Variants in DPP6 observed in about 807,000 individuals in gnomAD.
DPP6 encodes A-type potassium channel modulatory protein DPP6.
A neutral mutation model predicts 122.6 loss-of-function variants in DPP6; 69 were observed. The observed-to-expected ratio is 0.56, with a 90% CI of 0.46 to 0.69. The LOEUF is 0.69. Ranked by LOEUF, DPP6 falls within the 30% of genes least tolerant of loss-of-function variation. The pLI is 0.00. For synonymous variants in DPP6, 418 were observed against 433.1 expected (o/e 0.97, Z 0.43); for missense variants, 928 against 1,116.9 (o/e 0.83, Z 2.41).
intron 23 of DPP6, 74 bp from the exon 24 acceptor site, chr7:154,889,198 A>G: frequency 6.5e-7 from 1 of 1,549,790 alleles, no homozygotes. Flanking sequence ...CTTCTCAGTC[A>G]GGTTTCCAAG....
chr7:154,397,679 G>A (rs1188876094), intron 1 of DPP6, among the ~76,000 whole-genome samples: 1 of 152,138 alleles, frequency 6.6e-6, no homozygotes, highest in Non-Finnish European at 1.5e-5. Context: ...TTCTGATGGG[G>A]AAGCTACTCA....
At chr7:154,837,386 G>A (rs182222513) in intron 16 of DPP6, among the ~76,000 whole-genome samples, 184 of 151,874 alleles carry the variant, frequency 1.2e-3, no homozygotes, top group South Asian at 6.6e-3. Context: ...ACACATGCAC[G>A]CACACATGCA....
chr7:154,221,808 A>G (rs951451713), intron 1 of DPP6, among the ~76,000 whole-genome samples: 1 of 152,214 alleles, frequency 6.6e-6, no homozygotes, highest in African/African-American at 2.4e-5. Context: ...GCGGATGAAC[A>G]ATGTTGGAAG....
chr7:154,583,098 ACT>A, intron 5 of DPP6, among the ~76,000 whole-genome samples: 1 of 152,006 alleles, frequency 6.6e-6, no homozygotes, highest in Non-Finnish European at 1.5e-5. Flanking sequence ...ACACAGCAAA[ACT>A]CTCACCCATC....
At chr7:154,743,336 C>G (rs1487489133) in intron 8 of DPP6, among the ~76,000 whole-genome samples, 1 of 152,092 alleles carries the variant, frequency 6.6e-6, no homozygotes, top group African/African-American at 2.4e-5. Flanking sequence ...TTCAGGCTGC[C>G]GGAGAGATTG....
intron 6 of DPP6, among the ~76,000 whole-genome samples, chr7:154,661,843 G>A (rs1204629546): frequency 6.8e-6 from 1 of 147,416 alleles, no homozygotes; most frequent in East Asian, 2.0e-4. Context: ...GAATCACCAT[G>A]GCATATTGGC....
intron 1 of DPP6, among the ~76,000 whole-genome samples, chr7:154,269,697 A>G (rs762428393): frequency 6.6e-6 from 1 of 152,208 alleles, no homozygotes; most frequent in Non-Finnish European, 1.5e-5. Flanking sequence ...CATCAGATCT[A>G]TAGATTTTCT....
At chr7:153,814,478 C>A in the DPP6 span, among the ~76,000 whole-genome samples, 2 of 152,022 alleles carry the variant, frequency 1.3e-5, no homozygotes, top group Non-Finnish European at 2.9e-5. Context: ...AGCTTACCAA[C>A]CAAAAAGAGT....
the DPP6 span, among the ~76,000 whole-genome samples, chr7:153,836,839 A>G: frequency 6.6e-6 from 1 of 152,208 alleles, no homozygotes; most frequent in African/African-American, 2.4e-5. Flanking sequence ...CATGAACAAT[A>G]TTAGACTCAC....
intron 1 of DPP6, among the ~76,000 whole-genome samples, chr7:153,952,430 C>T (rs1421506493): frequency 1.3e-5 from 2 of 152,218 alleles, no homozygotes; most frequent in African/African-American, 2.4e-5. Context: ...AAATCTCACT[C>T]AGATTCAAAT....
chr7:154,590,484 G>A (rs1832741141), intron 5 of DPP6, among the ~76,000 whole-genome samples: 1 of 148,238 alleles, frequency 6.7e-6, no homozygotes, highest in Non-Finnish European at 1.5e-5. Context: ...TGAAGTAGAA[G>A]AGCTAAGCTA....
At chr7:153,776,733 T>G in the DPP6 span, among the ~76,000 whole-genome samples, 1 of 152,164 alleles carries the variant, frequency 6.6e-6, no homozygotes. Flanking sequence ...AGACGGGACA[T>G]GCATATGAAA....
At chr7:153,823,981 G>C in the DPP6 span, among the ~76,000 whole-genome samples, 1 of 152,136 alleles carries the variant, frequency 6.6e-6, no homozygotes, top group Non-Finnish European at 1.5e-5. Context: ...ATTATTCAAG[G>C]AGATGCTAAA....
intron 8 of DPP6, among the ~76,000 whole-genome samples, chr7:154,746,486 C>A (rs1315679445): frequency 6.6e-6 from 1 of 152,182 alleles, no homozygotes; most frequent in Admixed American, 6.5e-5. Context: ...TTGTACCATT[C>A]TGTTTTGGAA....
chr7:153,789,237 G>A, the DPP6 span, among the ~76,000 whole-genome samples: 9 of 152,100 alleles, frequency 5.9e-5, no homozygotes, highest in Admixed American at 1.3e-4. Context: ...AATTTGTTGT[G>A]TCTCATAATC....
At chr7:153,908,866 G>A (rs1236248734) in intron 1 of DPP6, among the ~76,000 whole-genome samples, 2 of 152,094 alleles carry the variant, frequency 1.3e-5, no homozygotes, top group African/African-American at 2.4e-5. Context: ...CGATTCTCCT[G>A]CCTCAGCCTC....
chr7:154,651,404 C>G (rs1216333316), intron 6 of DPP6, among the ~76,000 whole-genome samples: 1 of 152,030 alleles, frequency 6.6e-6, no homozygotes, highest in Non-Finnish European at 1.5e-5. Context: ...TGTGAAAAAC[C>G]TATTCCCCTT....
chr7:154,778,141 C>T (rs879897873), intron 10 of DPP6, among the ~76,000 whole-genome samples: 9 of 152,106 alleles, frequency 5.9e-5, no homozygotes, highest in Non-Finnish European at 8.8e-5. Flanking sequence ...GGTATGTGCG[C>T]GCTTACTTTA....
intron 2 of DPP6, among the ~76,000 whole-genome samples, chr7:154,472,312 G>A (rs981529645): frequency 5.9e-5 from 9 of 152,140 alleles, no homozygotes; most frequent in African/African-American, 1.7e-4. Context: ...CACATTGTCT[G>A]CCACGCCAAT....
Sources: gnomAD v4.1 joint callset for allele counts (sites outside exome capture counted in the v4.1 genomes callset) on GRCh38, gnomAD v4.1.1 for gene constraint, MANE v1.5 for transcripts, NCBI Gene and HGNC (gene_info 2026-07-23, HGNC 2026-07-21) for gene names.